Variants in FANCD2 observed in about 807,000 individuals in gnomAD.
The protein encoded by FANCD2 is FA complementation group D2, also known as Fanconi anemia group D2 protein.
In FANCD2, 131 loss-of-function variants were observed where a neutral mutation model predicts 192.3. The observed-to-expected ratio is 0.68, with a 90% CI of 0.59 to 0.79. FANCD2 has a LOEUF of 0.79. Among genes scored for constraint, FANCD2 ranks in the 30% least tolerant of loss-of-function variants. FANCD2 has a pLI of 0.00. For missense variants in FANCD2, 1,508 were observed against 1,701.6 expected, an observed-to-expected ratio of 0.89 and a Z score of 2.00; for synonymous variants, 524 against 612.5, an observed-to-expected ratio of 0.86 and a Z score of 2.13.
intron 26 of FANCD2, among the ~76,000 whole-genome samples, chr3:10,069,158 A>T (rs1421063820): frequency 6.6e-6 from 1 of 152,188 alleles, no homozygotes; most frequent in African/African-American, 2.4e-5. Flanking sequence ...GGATCACATT[A>T]AGTTAAAAAG....
intron 25 of FANCD2, among the ~76,000 whole-genome samples, 177 bp downstream of exon 25, chr3:10,066,156 G>C (rs1045874990): frequency 6.6e-6 from 1 of 152,170 alleles, no homozygotes; most frequent in African/African-American, 2.4e-5. Flanking sequence ...AGCCAAATGA[G>C]AATACTTAGA....
At chr3:10,083,992 A>G (rs544005385) in intron 32 of FANCD2, among the ~76,000 whole-genome samples, 161 of 149,346 alleles carry the variant, frequency 1.1e-3, no homozygotes, top group African/African-American at 3.9e-3. Context: ...CTTGTTTCCC[A>G]TGCTTTTGTG....
intron 11 of FANCD2, 129 bp downstream of exon 11, chr3:10,042,792 A>G (rs2086897681): frequency 4.8e-6 from 4 of 837,360 alleles, no homozygotes; most frequent in East Asian, 2.4e-5. Context: ...GAGCTATTCA[A>G]CAGATTCATT....
intron 20 of FANCD2, among the ~76,000 whole-genome samples, chr3:10,063,136 G>A (rs570631951): frequency 6.6e-6 from 1 of 152,270 alleles, no homozygotes; most frequent in Non-Finnish European, 1.5e-5. Context: ...TGGAAAGTGG[G>A]ACATAAAGCT....
At position 10,039,643 on chromosome 3, in the gene FANCD2, G is replaced by A. The variant is rs925677131; in HGVS notation, c.571-78G>A. 3.3e-6 allele frequency: 5 copies of A among 1,512,930 alleles called. No individual in the cohort carries two copies. The African/African-American group carries it at 6.9e-5, about 21-fold the overall frequency. 93.7% of individuals were successfully genotyped at this position (1,512,930 alleles called of 1,614,324 possible). A position where few individuals can be genotyped will look rare whatever the true frequency, so the allele number is the denominator to read the frequency against. Reference sequence around the variant, plus strand: ...TGTGTTTATTTCTCAAATAATTTCAGCTCTGCATTTCACACGTAGGTAGTC... The same window carrying A: ...TGTGTTTATTTCTCAAATAATTTCAACTCTGCATTTCACACGTAGGTAGTC... On this transcript the variant is annotated intron_variant, in intron 8 of 43. Coordinates refer to ENST00000675286, the MANE Select transcript of FANCD2 (RefSeq NM_001018115.3).
Position 10,065,997 on chromosome 3 carries a change from G to A in FANCD2, c.2385+18G>A, listed in dbSNP as rs374084131. On this transcript the variant is annotated intron_variant, in intron 25 of 43. Coordinates refer to ENST00000675286, the MANE Select transcript of FANCD2 (RefSeq NM_001018115.3). ...TCCGAGAGGTGAGCAGAGTTAATAGGATGTTTCACTTATTGTGCATAGTTT... is the reference window on the plus strand; with the variant it reads ...TCCGAGAGGTGAGCAGAGTTAATAGAATGTTTCACTTATTGTGCATAGTTT... The A allele has an allele frequency of 8.0e-5, 115 of 1,436,526 alleles. 4 individuals are homozygous for A. In the South Asian group the frequency reaches 1.1e-3, roughly 13 times the overall value. The allele number at this position is 1,436,526 out of a possible 1,614,324, so 89.0% of individuals were successfully genotyped here.
At chr3:10,028,517 A>AT in intron 1 of FANCD2, 108 bp from the exon 2 acceptor site, 1 of 734,092 alleles carries the variant, frequency 1.4e-6, no homozygotes, top group Non-Finnish European at 2.4e-6. Context: ...TAATATGGAG[A>AT]TGTGAGCCCC....
chr3:10,045,988 A>G (rs1298336156), intron 14 of FANCD2, among the ~76,000 whole-genome samples: 1 of 151,872 alleles, frequency 6.6e-6, no homozygotes, highest in Non-Finnish European at 1.5e-5. Flanking sequence ...TCTTTCTTTT[A>G]ATAAATGTCA....
intron 19 of FANCD2, among the ~76,000 whole-genome samples, chr3:10,061,541 A>G (rs767829874): frequency 6.6e-6 from 1 of 152,208 alleles, no homozygotes; most frequent in Non-Finnish European, 1.5e-5. Flanking sequence ...GTAGACTCAC[A>G]TCAGCAATAA....
chr3:10,041,565 G>T lies in FANCD2; in HGVS notation c.696-58G>T, dbSNP rs2086863232. On this transcript the variant is annotated intron_variant, in intron 9 of 43. Transcript: ENST00000675286. ...TAATAAATGATTTTCTCAAGTCATTGTCTGCCCAGCTCTGTTCAAACCATT... is the reference window on the plus strand; with the variant it reads ...TAATAAATGATTTTCTCAAGTCATTTTCTGCCCAGCTCTGTTCAAACCATT... 3.4e-6 allele frequency: 4 copies of T among 1,165,288 alleles called. No individual in the cohort carries two copies. In the South Asian group the frequency reaches 3.7e-5, roughly 11 times the overall value. The allele number at this position is 1,165,288 out of a possible 1,614,324, so 72.2% of individuals were successfully genotyped here.
chr3:10,040,031 TTC>T (rs2086826541), intron 9 of FANCD2, 186 bp downstream of exon 9: 3 of 569,154 alleles, frequency 5.3e-6, no homozygotes, highest in Non-Finnish European at 8.9e-6. Context: ...TCCACATACT[TTC>T]TTTTTTTTTT....
chr3:10,035,303 C>T (rs1009125091), intron 6 of FANCD2, 70 bp downstream of exon 6: 109 of 1,319,926 alleles, frequency 8.3e-5, no homozygotes, highest in Admixed American at 6.7e-5. Context: ...GTCTAAATAG[C>T]GGGAACACAG....
chr3:10,054,453 A>ACATG (rs2087335155), intron 18 of FANCD2, among the ~76,000 whole-genome samples: 1 of 18,544 alleles, frequency 5.4e-5, no homozygotes, highest in Admixed American at 5.4e-4. Context: ...ATACATATAT[A>ACATG]TATATATATA....
intron 30 of FANCD2, 84 bp from the exon 31 acceptor site, chr3:10,081,016 G>C: frequency 6.7e-7 from 1 of 1,494,824 alleles, no homozygotes; most frequent in Non-Finnish European, 9.3e-7. Context: ...GGTGACACAG[G>C]TTTGACTTGA....
intron 14 of FANCD2, among the ~76,000 whole-genome samples, chr3:10,045,088 G>GT (rs76340293): frequency 1.4e-3 from 185 of 128,826 alleles, no homozygotes; most frequent in Middle Eastern, 4.0e-3. Flanking sequence ...CTTTTTAACT[G>GT]TTTTTTTTTT....
chr3:10,035,778 G>A (rs2086713087), intron 6 of FANCD2, among the ~76,000 whole-genome samples: 2 of 152,058 alleles, frequency 1.3e-5, no homozygotes, highest in South Asian at 4.1e-4. Flanking sequence ...AGATAATTTA[G>A]TTATTTTAAG....
At chr3:10,085,668 G>A (rs1694149433) in intron 32 of FANCD2, 144 bp from the exon 33 acceptor site, 1 of 689,620 alleles carries the variant, frequency 1.5e-6, no homozygotes, top group African/African-American at 1.8e-5. Context: ...GGGATTACAG[G>A]TGTGAGCCAC....
intron 13 of FANCD2, 46 bp from the exon 14 acceptor site, chr3:10,043,783 C>T (rs1482673308): frequency 1.6e-5 from 25 of 1,576,992 alleles, no homozygotes; most frequent in South Asian, 3.3e-5. Context: ...TAACGTGTTT[C>T]GCTGATGTGT....
intron 3 of FANCD2, 151 bp from the exon 4 acceptor site, chr3:10,034,318 C>G: frequency 1.5e-6 from 1 of 654,174 alleles, no homozygotes; most frequent in South Asian, 1.7e-5. Context: ...GAACAAAACT[C>G]CATCTCAAAA....
Sources: allele counts gnomAD v4.1 joint callset (sites outside exome capture counted in the v4.1 genomes callset), GRCh38; gene constraint gnomAD v4.1.1; transcripts MANE v1.5; gene names NCBI Gene and HGNC (gene_info 2026-07-23, HGNC 2026-07-21).